The following ZNF705G variants were observed in gnomAD, a reference collection of about 807,000 sequenced individuals.
The protein encoded by ZNF705G is putative zinc finger protein 705G.
A neutral mutation model predicts 19.6 loss-of-function variants in ZNF705G; 23 were observed. The observed-to-expected ratio is 1.17, with a 90% CI of 0.84 to 1.66. The LOEUF (loss-of-function observed/expected upper bound fraction) is 1.66, where lower values mean the gene tolerates loss of function less well. ZNF705G is among the 40% of genes most tolerant of loss of function. ZNF705G has a pLI of 0.00. For missense variants in ZNF705G, 457 were observed against 354.4 expected (o/e 1.29, Z -2.32); for synonymous variants, 146 against 117.7 (o/e 1.24, Z -1.56).
chr8:7,383,836 T>C (rs1363584239), intron 1 of ZNF705G, among the ~76,000 whole-genome samples: 2 of 146,900 alleles, frequency 1.4e-5, no homozygotes, highest in African/African-American at 5.5e-5. Flanking sequence ...TCGAGAACTG[T>C]GAGAAGTAAA....
chr8:7,361,035 G>A (rs1806562614), intron 4 of ZNF705G, 75 bp downstream of exon 4: 2 of 1,590,586 alleles, frequency 1.3e-6, no homozygotes, highest in East Asian at 4.5e-5. Flanking sequence ...GAGATATGGG[G>A]AAGCTGTTTT....
Position 7,360,674 on chromosome 8 carries a change from C to G in ZNF705G, c.140-342G>C, listed in dbSNP as rs568200282. ...GTGTGTTTACTATTATTCTCACGCACAACAAAAAAAAACATTCGATTTACA... is the reference window on the plus strand; with the variant it reads ...GTGTGTTTACTATTATTCTCACGCAGAACAAAAAAAAACATTCGATTTACA... On this transcript the variant is annotated intron_variant, in intron 4 of 6. Transcript: ENST00000400156. 4.4e-4 allele frequency among the ~76,000 whole-genome samples: 66 copies of G among 149,006 alleles called. 4 individuals carry two copies. Among genetic ancestry groups the G allele is most frequent in the African/African-American group, 1.4e-3 (55 of 38,768 alleles).
intron 3 of ZNF705G, among the ~76,000 whole-genome samples, chr8:7,362,401 C>T (rs554800082): frequency 1.3e-5 from 2 of 149,688 alleles, no homozygotes; most frequent in South Asian, 4.2e-4. Flanking sequence ...CAACACTGCA[C>T]AGCTCTTGTC....
At chr8:7,369,165 T>A (rs1418657129) in intron 2 of ZNF705G, among the ~76,000 whole-genome samples, 3 of 149,384 alleles carry the variant, frequency 2.0e-5, no homozygotes, top group Non-Finnish European at 4.4e-5. Flanking sequence ...CATGATTCAG[T>A]TATCGCCACT....
At chr8:7,380,953 T>C (rs140084538) in intron 2 of ZNF705G, among the ~76,000 whole-genome samples, 45 of 128,050 alleles carry the variant, frequency 3.5e-4, no homozygotes, top group African/African-American at 1.6e-3. Context: ...GGAGGCAGAG[T>C]TGCAGTGAGT....
chr8:7,384,281 A>G (rs1186377386), intron 1 of ZNF705G, among the ~76,000 whole-genome samples: 2 of 143,794 alleles, frequency 1.4e-5, no homozygotes, highest in African/African-American at 3.0e-5. Context: ...TCAACCTCCT[A>G]CTGTTTGTCT....
chr8:7,360,967 G>A, intron 4 of ZNF705G, 143 bp downstream of exon 4: 1 of 1,462,480 alleles, frequency 6.8e-7, no homozygotes, highest in Admixed American at 2.0e-5. Context: ...GATAGATTTA[G>A]AGAGTTCAAA....
At chr8:7,365,960 T>G (rs1234560048) in intron 2 of ZNF705G, among the ~76,000 whole-genome samples, 1 of 149,468 alleles carries the variant, frequency 6.7e-6, no homozygotes, top group African/African-American at 2.6e-5. Flanking sequence ...AAAAGTGCTA[T>G]TATTTAGTAG....
rs989304795 is a variant in ZNF705G at position 7,363,765 on chromosome 8, G to T, written c.-71-748C>A. On this transcript the variant is annotated intron_variant, in intron 2 of 6. Coordinates refer to ENST00000400156, the MANE Select transcript of ZNF705G (RefSeq NM_001164457.3). Reference sequence around the variant, plus strand: ...GAACCCAGGAGGCAGAGATTACAGTGAGCCGAGATCCCACCACTGCACTCC... The same window carrying T: ...GAACCCAGGAGGCAGAGATTACAGTTAGCCGAGATCCCACCACTGCACTCC... Among the ~76,000 whole-genome samples, 3 of 149,000 alleles carry T rather than the reference G, an allele frequency of 2.0e-5. 1 individual carries two copies. The highest frequency in any genetic ancestry group is 7.8e-5 in the African/African-American group (3 of 38,566).
At chr8:7,364,540 C>T (rs1806769555) in intron 2 of ZNF705G, among the ~76,000 whole-genome samples, 1 of 149,464 alleles carries the variant, frequency 6.7e-6, no homozygotes, top group Admixed American at 6.6e-5. Context: ...AATGACCCAG[C>T]AATACTTTTA....
intron 2 of ZNF705G, among the ~76,000 whole-genome samples, chr8:7,370,311 CAGA>C (rs1807046120): frequency 1.4e-5 from 2 of 147,366 alleles, no homozygotes; most frequent in African/African-American, 2.7e-5. Context: ...AGACATTTCC[CAGA>C]AGAACAGATA....
chr8:7,364,533 G>C lies in ZNF705G; in HGVS notation c.-71-1516C>G, dbSNP rs1291097003. On this transcript the variant is annotated intron_variant, in intron 2 of 6. Transcript: ENST00000400156. Reference sequence around the variant, plus strand: ...TGACAAAATTACAAAATTAGAAAATGACCCAGCAATACTTTTAATTATATT... The same window carrying C: ...TGACAAAATTACAAAATTAGAAAATCACCCAGCAATACTTTTAATTATATT... Among the ~76,000 whole-genome samples, 6 of 149,410 alleles carry C rather than the reference G, an allele frequency of 4.0e-5. 1 individual carries two copies. The highest frequency in any genetic ancestry group is 1.5e-4 in the African/African-American group (6 of 38,860).
At chr8:7,380,290 C>T (rs1277111593) in intron 2 of ZNF705G, among the ~76,000 whole-genome samples, 16 of 146,456 alleles carry the variant, frequency 1.1e-4, no homozygotes, top group Non-Finnish European at 2.1e-4. Flanking sequence ...CCACCCATTG[C>T]TGTCACTACC....
At chr8:7,376,871 T>A (rs1274617360) in intron 2 of ZNF705G, among the ~76,000 whole-genome samples, 2 of 132,760 alleles carry the variant, frequency 1.5e-5, no homozygotes, top group East Asian at 2.3e-4. Context: ...TAATCTATCA[T>A]ATAGAGAGAG....
intron 2 of ZNF705G, among the ~76,000 whole-genome samples, chr8:7,363,930 G>A (rs527537237): frequency 1.3e-5 from 2 of 149,604 alleles, no homozygotes; most frequent in African/African-American, 5.1e-5. Context: ...TCCTGCATCA[G>A]AAATTAGCAG....
chr8:7,382,833 T>C (rs1259937565), intron 1 of ZNF705G, among the ~76,000 whole-genome samples: 3 of 146,780 alleles, frequency 2.0e-5, no homozygotes. Flanking sequence ...AGATAGTTTT[T>C]TGTTACATGG....
chr8:7,385,092 AG>A (rs1347209155), intron 1 of ZNF705G, among the ~76,000 whole-genome samples: 4 of 147,636 alleles, frequency 2.7e-5, no homozygotes, highest in Admixed American at 2.0e-4. Context: ...ACAGCAATAG[AG>A]CTTGAGGTTC....
chr8:7,358,261 T>C lies in ZNF705G; in HGVS notation c.618A>G (p.Arg206=), dbSNP rs371098961. 106 of 1,607,640 alleles carry C rather than the reference T, an allele frequency of 6.6e-5. 9 individuals are homozygous for C. The African/African-American group carries it at 1.1e-3, about 16-fold the overall frequency. Residue 206 remains arginine (R), a synonymous_variant, in exon 7 of 7, where the codon AGA becomes AGG. Coordinates refer to ENST00000400156, the MANE Select transcript of ZNF705G (RefSeq NM_001164457.3). ...GERPYACHLC[R]KAFTQCSHLR... The stretch of plus-strand genomic sequence containing the variant: ...GGTGAGAACACTGAGTGAAGGCTTT[T>C]CTACATAGATGACATGCATATGGCC...
At position 7,358,535 on chromosome 8, in the gene ZNF705G, G is replaced by T. The variant is rs752874754; in HGVS notation, c.344C>A (p.Pro115His). Residue 115 changes from proline to histidine, a missense_variant, in exon 7 of 7, where the codon CCT (proline) becomes CAT (histidine). Transcript: ENST00000400156. ...TMENSLILEDPFECNDSGEDC... is the reference protein window; with the variant it reads ...TMENSLILEDHFECNDSGEDC... ...TTCTCCCGAATCATTACATTCAAAA[G>T]GATCCTCCAGAATGAGAGAGTTCTC... 4 of 1,607,326 alleles carry T rather than the reference G, an allele frequency of 2.5e-6. No homozygotes were observed. Among genetic ancestry groups the T allele is most frequent in the Non-Finnish European group, 2.5e-6 (3 of 1,179,578 alleles).
Sources: gnomAD v4.1 joint callset for allele counts (sites outside exome capture counted in the v4.1 genomes callset) on GRCh38, gnomAD v4.1.1 for gene constraint, MANE v1.5 for transcripts, NCBI Gene and HGNC (gene_info 2026-07-23, HGNC 2026-07-21) for gene names.